The following ASIC2 variants were observed in gnomAD, a reference collection of about 807,000 sequenced individuals.
The protein encoded by ASIC2 is acid sensing ion channel subunit 2.
Under a neutral mutation model 57.3 loss-of-function variants are expected in ASIC2, and 25 were observed. That is an observed-to-expected ratio of 0.44 (90% CI 0.32 to 0.61). ASIC2 has a LOEUF of 0.61. Among genes scored for constraint, ASIC2 ranks in the 20% least tolerant of loss-of-function variants. The probability of loss-of-function intolerance (pLI) is 0.06; values close to 1 mark genes in which losing one functional copy is unlikely to be tolerated. For missense variants in ASIC2, 641 were observed against 738.1 expected, an observed-to-expected ratio of 0.87 and a Z score of 1.52; for synonymous variants, 319 against 307.5, an observed-to-expected ratio of 1.04 and a Z score of -0.39.
intron 1 of ASIC2, among the ~76,000 whole-genome samples, chr17:34,040,083 A>G (rs1024945594): frequency 4.9e-4 from 69 of 139,644 alleles, no homozygotes; most frequent in Non-Finnish European, 6.2e-4. Context: ...CGAAGGCCGC[A>G]GATCCCCGGG....
chr17:33,894,032 G>C (rs1050803773), intron 1 of ASIC2, among the ~76,000 whole-genome samples: 1 of 151,268 alleles, frequency 6.6e-6, no homozygotes, highest in Non-Finnish European at 1.5e-5. Flanking sequence ...GAAGAATTTT[G>C]TTTTTAAAGC....
chr17:33,240,971 AC>A (rs1289903418), intron 1 of ASIC2, among the ~76,000 whole-genome samples: 2 of 152,304 alleles, frequency 1.3e-5, no homozygotes, highest in East Asian at 3.9e-4. Flanking sequence ...ATTACATACT[AC>A]AAATGAGGCA....
chr17:33,672,005 C>T (rs763800361), intron 1 of ASIC2, among the ~76,000 whole-genome samples: 51 of 151,996 alleles, frequency 3.4e-4, no homozygotes, highest in Admixed American at 6.6e-4. Flanking sequence ...TTCACTTTTC[C>T]CCCCCTATTC....
At chr17:33,849,209 A>C (rs1913696330) in intron 1 of ASIC2, among the ~76,000 whole-genome samples, 1 of 152,174 alleles carries the variant, frequency 6.6e-6, no homozygotes, top group Non-Finnish European at 1.5e-5. Flanking sequence ...CCCGCCTGCT[A>C]GGAGCTTCTT....
At chr17:33,885,971 C>A (rs928501056) in intron 1 of ASIC2, among the ~76,000 whole-genome samples, 11 of 152,316 alleles carry the variant, frequency 7.2e-5, no homozygotes, top group Admixed American at 5.9e-4. Flanking sequence ...TAGGTGCAAT[C>A]TCAATGACCA....
intron 1 of ASIC2, among the ~76,000 whole-genome samples, chr17:33,579,615 T>C (rs995676890): frequency 1.3e-5 from 2 of 152,182 alleles, no homozygotes; most frequent in African/African-American, 2.4e-5. Context: ...AGTTTGTTCC[T>C]TCAGGTGTTC....
rs557447322 is a variant in ASIC2, at chr17:33,589,917, A to G, written c.556-477850T>C. Among the ~76,000 whole-genome samples the G allele has an allele frequency of 8.7e-4, 133 of 152,300 alleles. 1 individual carries two copies. The highest frequency in any genetic ancestry group is 1.1e-3 in the Admixed American group (17 of 15,302). On this transcript the variant is annotated intron_variant, in intron 1 of 9. Coordinates refer to the ASIC2 transcript ENST00000359872. The stretch of plus-strand genomic sequence containing the variant: ...TCATATGATAATTCTATTTGAACTG[A>G]ATTTTGAAGGCTAAGAATGACCAAG...
intron 1 of ASIC2, among the ~76,000 whole-genome samples, chr17:33,205,243 T>C (rs1907017241): frequency 1.3e-5 from 2 of 152,208 alleles, no homozygotes; most frequent in Admixed American, 1.3e-4. Context: ...AAAGCCACCC[T>C]GTGTGCCCCT....
intron 1 of ASIC2, among the ~76,000 whole-genome samples, chr17:33,164,060 T>C (rs1597611617): frequency 6.6e-6 from 1 of 152,174 alleles, no homozygotes; most frequent in African/African-American, 2.4e-5. Context: ...ACAATTATGA[T>C]CCCAAAGCAC....
intron 1 of ASIC2, among the ~76,000 whole-genome samples, chr17:33,463,200 C>T (rs17836823): frequency 0.2 from 30,391 of 152,104 alleles, 3,252 homozygotes; most frequent in Middle Eastern, 0.25. Flanking sequence ...CAGTATTACC[C>T]TCAGTCCTCC....
intron 1 of ASIC2, among the ~76,000 whole-genome samples, chr17:33,925,754 C>A (rs1037632662): frequency 1.3e-5 from 2 of 152,180 alleles, no homozygotes; most frequent in Admixed American, 6.5e-5. Flanking sequence ...TTTTGACTTG[C>A]CCTGGCCATT....
intron 1 of ASIC2, among the ~76,000 whole-genome samples, chr17:33,773,587 A>G (rs539732643): frequency 1.5e-4 from 23 of 152,116 alleles, no homozygotes; most frequent in Middle Eastern, 3.4e-3. Context: ...AAGGAAAGAG[A>G]GAAGAGATTC....
Position 33,292,659 on chromosome 17 carries a change from C to A in ASIC2, c.-544G>T. 1.0e-6 allele frequency: 1 copy of A among 985,694 alleles called. No individual in the cohort carries two copies. The highest frequency in any genetic ancestry group is 1.2e-6 in the Non-Finnish European group (1 of 830,138). The allele number at this position is 985,694 out of a possible 1,614,324, so 61.1% of individuals were successfully genotyped here. A position where few individuals can be genotyped will look rare whatever the true frequency, so the allele number is the denominator to read the frequency against. ...CGGTGCTGGGACACGGGAGAGAAGG[C>A]GCCAAGGAACGAGCGCCCCCAGAGG... On this transcript the variant is annotated 5_prime_UTR_variant, in exon 1 of 10. Transcript: ENST00000225823.
chr17:33,297,198 A>G (rs1905753086), upstream of ASIC2, among the ~76,000 whole-genome samples: 1 of 152,238 alleles, frequency 6.6e-6, no homozygotes, highest in South Asian at 2.1e-4. Flanking sequence ...TCTCCAGGCT[A>G]AATGTCACCA....
chr17:33,744,231 C>A (rs912736614), intron 1 of ASIC2, among the ~76,000 whole-genome samples: 1 of 152,178 alleles, frequency 6.6e-6, no homozygotes. Flanking sequence ...TCAGAGCAAA[C>A]CTCAAAGACT....
intron 1 of ASIC2, among the ~76,000 whole-genome samples, chr17:33,677,259 T>C (rs1907855620): frequency 6.6e-6 from 1 of 152,184 alleles, no homozygotes; most frequent in South Asian, 2.1e-4. Context: ...AATGTCTGGC[T>C]TCAAAGCTTC....
intron 1 of ASIC2, among the ~76,000 whole-genome samples, chr17:33,622,971 T>C (rs886935563): frequency 4.6e-5 from 7 of 152,198 alleles, no homozygotes; most frequent in Admixed American, 4.6e-4. Context: ...TGGTAGTTCA[T>C]TGGTCGAATT....
intron 2 of ASIC2, among the ~76,000 whole-genome samples, chr17:33,111,131 G>A (rs2092256454): frequency 6.6e-6 from 1 of 151,998 alleles, no homozygotes. Context: ...ACCTTCCTGA[G>A]CCCCTCTTAT....
chr17:33,759,316 T>A (rs1910708440), intron 1 of ASIC2, among the ~76,000 whole-genome samples: 1 of 152,040 alleles, frequency 6.6e-6, no homozygotes, highest in African/African-American at 2.4e-5. Flanking sequence ...GCGGAAAAAA[T>A]TTCTAAACAG....
Sources: gnomAD v4.1 joint callset for allele counts (sites outside exome capture counted in the v4.1 genomes callset) on GRCh38, gnomAD v4.1.1 for gene constraint, MANE v1.5 for transcripts, NCBI Gene and HGNC (gene_info 2026-07-23, HGNC 2026-07-21) for gene names.